Variants in PIGU observed in about 807,000 individuals in gnomAD.
PIGU encodes the protein phosphatidylinositol glycan anchor biosynthesis class U, also known as GPI-anchor transamidase component PIGU.
PIGU carries 24 observed loss-of-function variants against 49.9 expected under a neutral mutation model. That is an observed-to-expected ratio of 0.48 (90% confidence interval 0.35 to 0.68). The LOEUF (loss-of-function observed/expected upper bound fraction) is 0.68, where lower values mean the gene tolerates loss of function less well. PIGU is among the 30% of genes least tolerant of loss of function. The pLI is 0.01. For synonymous variants in PIGU, 220 were observed against 205.7 expected, an observed-to-expected ratio of 1.07 and a Z score of -0.59; for missense variants, 490 against 532.6, an observed-to-expected ratio of 0.92 and a Z score of 0.79.
chr20:34,597,703 A>C (rs556500792), intron 7 of PIGU, among the ~76,000 whole-genome samples: 1 of 152,248 alleles, frequency 6.6e-6, no homozygotes, highest in Non-Finnish European at 1.5e-5. Flanking sequence ...AATAAGACTG[A>C]CTGATGGATA....
chr20:34,589,148 CAT>C (rs911547325), intron 7 of PIGU, among the ~76,000 whole-genome samples: 10 of 130,972 alleles, frequency 7.6e-5, no homozygotes, highest in African/African-American at 2.8e-4. Context: ...CACACACACA[CAT>C]CTGTAAGTTT....
intron 1 of PIGU, among the ~76,000 whole-genome samples, chr20:34,675,461 C>G (rs746290537): frequency 1.3e-5 from 2 of 152,090 alleles, no homozygotes; most frequent in Non-Finnish European, 2.9e-5. Context: ...CAAATCCAAG[C>G]TCTTACAATC....
At chr20:34,633,320 C>T (rs1470383076) in intron 6 of PIGU, among the ~76,000 whole-genome samples, 1 of 151,940 alleles carries the variant, frequency 6.6e-6, no homozygotes, top group African/African-American at 2.4e-5. Flanking sequence ...AAAAATTAGC[C>T]AGGCATGATG....
At chr20:34,578,394 C>T (rs1983322823) in intron 10 of PIGU, among the ~76,000 whole-genome samples, 1 of 152,178 alleles carries the variant, frequency 6.6e-6, no homozygotes, top group Non-Finnish European at 1.5e-5. Context: ...CTCCTCTAAC[C>T]CAACATCACT....
At chr20:34,598,050 A>T (rs962019203) in intron 7 of PIGU, among the ~76,000 whole-genome samples, 5 of 152,256 alleles carry the variant, frequency 3.3e-5, no homozygotes, top group South Asian at 2.1e-4. Flanking sequence ...ATATATTTTT[A>T]AAAATATATA....
intron 2 of PIGU, 63 bp downstream of exon 2, chr20:34,657,117 G>C: frequency 7.9e-7 from 1 of 1,263,456 alleles, no homozygotes; most frequent in Non-Finnish European, 1.1e-6. Context: ...ACAGAGGTTA[G>C]GCTTTGGTAT....
At chr20:34,601,436 A>G (rs924267644) in intron 7 of PIGU, among the ~76,000 whole-genome samples, 1 of 152,196 alleles carries the variant, frequency 6.6e-6, no homozygotes, top group African/African-American at 2.4e-5. Flanking sequence ...CCTAAAAAAG[A>G]AACTCCAGCA....
intron 1 of PIGU, among the ~76,000 whole-genome samples, chr20:34,666,450 GTT>G (rs11390662): frequency 2.1e-5 from 3 of 144,458 alleles, no homozygotes; most frequent in South Asian, 2.2e-4. Flanking sequence ...TAAAATGTAA[GTT>G]TTTTTTTTTT....
At chr20:34,591,123 T>C (rs1983962758) in intron 7 of PIGU, among the ~76,000 whole-genome samples, 1 of 151,868 alleles carries the variant, frequency 6.6e-6, no homozygotes, top group African/African-American at 2.4e-5. Context: ...AAAAGAAAGC[T>C]AGTGTGGTTA....
chr20:34,613,578 A>G (rs2146738496), intron 7 of PIGU, among the ~76,000 whole-genome samples: 1 of 152,354 alleles, frequency 6.6e-6, no homozygotes, highest in East Asian at 1.9e-4. Flanking sequence ...TGGTCCATCC[A>G]TGTGTATGAA....
At chr20:34,575,841 C>G (rs1422547336) in intron 10 of PIGU, among the ~76,000 whole-genome samples, 1 of 152,198 alleles carries the variant, frequency 6.6e-6, no homozygotes, top group East Asian at 1.9e-4. Context: ...CTCCTTGCCT[C>G]TAAGGGAATG....
intron 1 of PIGU, among the ~76,000 whole-genome samples, chr20:34,660,499 C>T (rs533903821): frequency 2.0e-5 from 3 of 152,226 alleles, no homozygotes; most frequent in East Asian, 1.9e-4. Flanking sequence ...GCAGGAGAAT[C>T]GCTTGAACCT....
At chr20:34,657,113 G>GT in intron 2 of PIGU, 67 bp downstream of exon 2, 1 of 1,225,516 alleles carries the variant, frequency 8.2e-7, no homozygotes, top group Admixed American at 1.9e-5. Context: ...CAAAACAGAG[G>GT]TTAGGCTTTG....
intron 9 of PIGU, among the ~76,000 whole-genome samples, chr20:34,582,536 CG>C (rs1450478651): frequency 6.6e-6 from 1 of 151,928 alleles, no homozygotes; most frequent in Non-Finnish European, 1.5e-5. Context: ...AAAAATTAGC[CG>C]GGTGTGGTGG....
intron 6 of PIGU, among the ~76,000 whole-genome samples, chr20:34,624,857 T>G (rs1193989657): frequency 1.3e-5 from 2 of 151,882 alleles, no homozygotes; most frequent in East Asian, 3.9e-4. Flanking sequence ...TCTCTCAGAG[T>G]GTCCCAGGCA....
intron 1 of PIGU, among the ~76,000 whole-genome samples, chr20:34,664,993 A>C (rs1987040525): frequency 6.6e-6 from 1 of 151,898 alleles, no homozygotes; most frequent in Non-Finnish European, 1.5e-5. Flanking sequence ...AAAAGAAAAA[A>C]AAAGTATAGG....
rs1435570500 is a variant in PIGU at position 34,654,409 on chromosome 20, G to T, written c.195+2771C>A. 5.4e-5 allele frequency among the ~76,000 whole-genome samples: 6 copies of T among 110,312 alleles called. 2 individuals are homozygous for T. Among genetic ancestry groups the T allele is most frequent in the Admixed American group, 2.4e-4 (2 of 8,292 alleles). 72.4% of individuals were successfully genotyped at this position (110,312 alleles called of 152,430 possible). The stretch of plus-strand genomic sequence containing the variant: ...ATCCAGGGTGGGGGAAGGGGGAGGG[G>T]GTTGCAGAGGTTGCAATGAGCCGAG... On this transcript the variant is annotated intron_variant, in intron 2 of 11. Transcript: ENST00000217446.
At chr20:34,666,687 C>CTTTTT (rs918644106) in intron 1 of PIGU, among the ~76,000 whole-genome samples, 7 of 90,608 alleles carry the variant, frequency 7.7e-5, no homozygotes, top group Non-Finnish European at 1.3e-4. Context: ...CTGACTAATT[C>CTTTTT]TTTTTTTTTT....
intron 1 of PIGU, among the ~76,000 whole-genome samples, chr20:34,659,262 GC>G (rs1276104165): frequency 4.7e-5 from 5 of 105,750 alleles, no homozygotes; most frequent in African/African-American, 7.0e-5. Flanking sequence ...GGGGGGGTCA[GC>G]CCCCCGCCCG....
Sources: allele counts gnomAD v4.1 joint callset (sites outside exome capture counted in the v4.1 genomes callset), GRCh38; gene constraint gnomAD v4.1.1; transcripts MANE v1.5; gene names NCBI Gene and HGNC (gene_info 2026-07-23, HGNC 2026-07-21).